MGAM: variants seen among roughly 807,000 people sequenced by gnomAD.
MGAM encodes maltase-glucoamylase.
In MGAM, 253 loss-of-function variants were observed where a neutral mutation model predicts 358.8. The ratio of observed to expected loss-of-function variants is 0.71; its 90% CI spans 0.64 to 0.78. The LOEUF (loss-of-function observed/expected upper bound fraction) is 0.78. MGAM is among the 30% of genes least tolerant of loss of function. The pLI, the probability that MGAM is intolerant of heterozygous loss-of-function variation, is 0.00. For missense variants in MGAM, 3,080 were observed against 3,432.6 expected (o/e 0.90, Z 2.57); for synonymous variants, 1,105 against 1,227.1 (o/e 0.90, Z 2.08).
intron 54 of MGAM, 131 bp downstream of exon 54, chr7:142,084,775 C>T: frequency 8.0e-7 from 1 of 1,249,866 alleles, no homozygotes; most frequent in Admixed American, 2.1e-5. Flanking sequence ...CACAGTTAGC[C>T]TCACCCCAGC....
intron 10 of MGAM, among the ~76,000 whole-genome samples, chr7:142,029,857 T>A (rs1807308364): frequency 6.6e-6 from 1 of 152,210 alleles, no homozygotes; most frequent in Non-Finnish European, 1.5e-5. Context: ...GAAGGGTACA[T>A]TTTATTCTGG....
chr7:142,044,088 A>G (rs1366139516), intron 21 of MGAM, among the ~76,000 whole-genome samples: 1 of 143,632 alleles, frequency 7.0e-6, no homozygotes, highest in Non-Finnish European at 1.5e-5. Context: ...TTATATACAC[A>G]TACGACGTAT....
In MGAM at chr7:142,044,395, GAT is replaced by G. The variant is rs569269967; in HGVS notation, c.2499-3385_2499-3384del. ...TATAATGAATATTATATACACATAC[GAT>G]ATATGATATATAATGAATATTATAT... On this transcript the variant is annotated intron_variant, in intron 21 of 70. Coordinates refer to ENST00000475668, the MANE Select transcript of MGAM (RefSeq NM_001365693.1). 6.5e-3 allele frequency among the ~76,000 whole-genome samples: 644 copies of G among 98,336 alleles called. 42 individuals are homozygous for G. Among genetic ancestry groups the G allele is most frequent in the African/African-American group, 0.018 (618 of 33,964 alleles). The allele number at this position is 98,336 out of a possible 152,430, so 64.5% of individuals were successfully genotyped here. A position where few individuals can be genotyped will look rare whatever the true frequency, so the allele number is the denominator to read the frequency against.
Position 142,077,890 on chromosome 7 carries a change from C to T in MGAM, c.5494-428C>T, listed in dbSNP as rs139897393. Among the ~76,000 whole-genome samples, 68 of 145,700 alleles carry T rather than the reference C, an allele frequency of 4.7e-4. 6 individuals carry two copies. The highest frequency in any genetic ancestry group is 1.8e-3 in the East Asian group (9 of 4,930). ...TTGCTGTGTTCTTTCTACCACTCCACGCCAATGGGGGATGCTGGTTTGGGG... is the reference window on the plus strand; with the variant it reads ...TTGCTGTGTTCTTTCTACCACTCCATGCCAATGGGGGATGCTGGTTTGGGG... On this transcript the variant is annotated intron_variant, in intron 47 of 70. Transcript: ENST00000475668.
intron 19 of MGAM, 121 bp from the exon 20 acceptor site, chr7:142,039,994 G>A: frequency 1.3e-6 from 1 of 751,836 alleles, no homozygotes; most frequent in Non-Finnish European, 2.2e-6. Flanking sequence ...AGGAGAAGCA[G>A]AAGAAAGGCA....
chr7:142,093,443 C>G lies in MGAM; in HGVS notation c.7065C>G (p.Ser2355Arg). The change falls in exon 60 of 71, where the codon AGC (serine) becomes AGG (arginine). Residue 2355 changes from serine (S) to arginine (R), a missense_variant. This residue lies in a region of MGAM where 932 missense variants were observed against 1,198.2 expected (regional missense o/e 0.78). Coordinates refer to ENST00000475668, the MANE Select transcript of MGAM (RefSeq NM_001365693.1). ...AGTCCAGGGACAGGGGCCTGAGCAG[C>G]AAGACCCTGTGCATGGAGAGTCAGC... Reference protein sequence around the residue: ...YLESRDRGLSSKTLCMESQQI... With the variant: ...YLESRDRGLSRKTLCMESQQI... 1 of 1,537,864 alleles carries G rather than the reference C, an allele frequency of 6.5e-7. No homozygotes were observed. Among genetic ancestry groups the G allele is most frequent in the Non-Finnish European group, 8.9e-7 (1 of 1,123,254 alleles).
intron 2 of MGAM, among the ~76,000 whole-genome samples, chr7:142,006,984 TTTGGGGC>T (rs1805215702): frequency 6.6e-6 from 1 of 152,164 alleles, no homozygotes; most frequent in South Asian, 2.1e-4. Context: ...TGCTGATTTC[TTTGGGGC>T]ATTGTCCCCA....
At position 142,061,392 on chromosome 7, in the gene MGAM, C is replaced by A. The variant is rs1812185753; in HGVS notation, c.4122+1019C>A. Among the ~76,000 whole-genome samples the A allele has an allele frequency of 2.6e-5, 4 of 152,272 alleles. No individual in the cohort carries two copies. In the South Asian group the frequency reaches 6.2e-4, roughly 24 times the overall value. ...TTGTCGGGTTTCCTGGTTCCTACCT[C>A]CATTTCCTAACAAAAGGCATCCCTG... On this transcript the variant is annotated intron_variant, in intron 34 of 70. Transcript: ENST00000475668.
chr7:142,075,000 A>G (rs1408219898), intron 45 of MGAM, among the ~76,000 whole-genome samples: 2 of 145,552 alleles, frequency 1.4e-5, no homozygotes, highest in African/African-American at 4.9e-5. Context: ...TCATCTCCCC[A>G]TTTTCCACTT....
In MGAM at chr7:142,094,505, G is replaced by C; in HGVS notation, c.7306+8G>C. 6.5e-7 allele frequency: 1 copy of C among 1,549,382 alleles called. No homozygotes were observed. The highest frequency in any genetic ancestry group is 8.9e-7 in the Non-Finnish European group (1 of 1,128,776). On this transcript the variant is annotated splice_region_variant and intron_variant, in intron 61 of 70. Transcript: ENST00000475668. ...TGAAGAAGTCTATCATTGGTGCGTGGGTCCTTCCCAGGGCCTGTGCCGGTA... is the reference window on the plus strand; with the variant it reads ...TGAAGAAGTCTATCATTGGTGCGTGCGTCCTTCCCAGGGCCTGTGCCGGTA...
intron 22 of MGAM, among the ~76,000 whole-genome samples, chr7:142,049,907 C>T (rs1810773761): frequency 6.6e-6 from 1 of 152,114 alleles, no homozygotes; most frequent in Non-Finnish European, 1.5e-5. Context: ...AAAAAATTAA[C>T]AGAACTTCCA....
chr7:142,090,318 A>T (rs4236464), intron 57 of MGAM, among the ~76,000 whole-genome samples: 126,054 of 144,852 alleles, frequency 0.87, 56,839 homozygotes, highest in East Asian at 1. Flanking sequence ...ATTCTGACTC[A>T]GCTGTGGCTG....
chr7:142,103,300 A>T lies in MGAM; in HGVS notation c.8045A>T (p.Asn2682Ile). ...NTMQSHIIFN[N>I]YITGTNPLKL... ...ATGCAAAGCCATATAATTTTCAACA[A>T]TTACATCACTGGTACAAATCCTTTG... Residue 2682 changes from asparagine (N) to isoleucine (I), a missense_variant, in exon 70 of 71, where the codon AAT becomes ATT. This residue lies in a region of MGAM where 194 missense variants were observed against 172.8 expected (regional missense o/e 1.12). Transcript: ENST00000475668. The T allele has an allele frequency of 1.2e-6, 2 of 1,611,072 alleles. No homozygotes were observed. The highest frequency in any genetic ancestry group is 1.7e-6 in the Non-Finnish European group (2 of 1,178,824).
Position 142,092,197 on chromosome 7 carries a change from C to T in MGAM, c.6945+150C>T, listed in dbSNP as rs1255485409. The stretch of plus-strand genomic sequence containing the variant: ...ACACTTCCTCCTCTCAGGAGAGGAA[C>T]AGCCCTGATAGCCCTCACACCTTCT... On this transcript the variant is annotated intron_variant, in intron 58 of 70. Coordinates refer to ENST00000475668, the MANE Select transcript of MGAM (RefSeq NM_001365693.1). 51 of 1,159,582 alleles carry T rather than the reference C, an allele frequency of 4.4e-5. 6 individuals carry two copies. The highest frequency in any genetic ancestry group is 3.0e-5 in the Non-Finnish European group (25 of 837,036). 71.8% of individuals were successfully genotyped at this position (1,159,582 alleles called of 1,614,324 possible).
intron 24 of MGAM, among the ~76,000 whole-genome samples, chr7:142,051,117 A>G (rs570863409): frequency 6.6e-6 from 1 of 152,294 alleles, no homozygotes; most frequent in South Asian, 2.1e-4. Context: ...TCCCAAAAAT[A>G]GAATAATTAT....
At chr7:142,061,113 T>C (rs1812151507) in intron 34 of MGAM, among the ~76,000 whole-genome samples, 1 of 152,124 alleles carries the variant, frequency 6.6e-6, no homozygotes, top group Admixed American at 6.5e-5. Context: ...AAGAGTTGAA[T>C]ATGGACAGGC....
chr7:142,069,584 G>A (rs1476513569), intron 43 of MGAM, among the ~76,000 whole-genome samples: 2 of 145,698 alleles, frequency 1.4e-5, no homozygotes, highest in African/African-American at 4.9e-5. Context: ...AGATTTCAGT[G>A]AGATTAAGTG....
At chr7:142,022,587 G>A (rs116954274) in intron 7 of MGAM, 148 bp downstream of exon 7, 501 of 775,070 alleles carry the variant, frequency 6.5e-4, no homozygotes, top group Non-Finnish European at 8.7e-4. Flanking sequence ...CACCAGTTAC[G>A]TGGTTCTGGG....
intron 16 of MGAM, 33 bp from the exon 17 acceptor site, chr7:142,036,136 T>G: frequency 2.2e-5 from 33 of 1,466,724 alleles, no homozygotes; most frequent in Non-Finnish European, 2.9e-5. Flanking sequence ...TAGAAGGAAG[T>G]GAGGTATACC....
Sources: gnomAD v4.1 joint callset for allele counts (sites outside exome capture counted in the v4.1 genomes callset) on GRCh38, gnomAD v4.1.1 for gene constraint, gnomAD v4.1.1 regional missense constraint, MANE v1.5 for transcripts, NCBI Gene and HGNC (gene_info 2026-07-23, HGNC 2026-07-21) for gene names.